The following SHISA6 variants were observed in gnomAD, a reference collection of about 807,000 sequenced individuals.
SHISA6 encodes shisa family member 6, also known as protein shisa-6.
In SHISA6, 22 loss-of-function variants were observed where a neutral mutation model predicts 47.9. The observed-to-expected ratio is 0.46, with a 90% confidence interval of 0.33 to 0.66. The LOEUF (loss-of-function observed/expected upper bound fraction) is 0.66. Among genes scored for constraint, SHISA6 ranks in the 30% least tolerant of loss-of-function variants. The pLI is 0.02. For missense variants in SHISA6, 680 were observed against 764.6 expected (o/e 0.89, Z 1.30); for synonymous variants, 388 against 337.8 (o/e 1.15, Z -1.63).
chr17:11,520,694 C>T (rs925107773), intron 3 of SHISA6, among the ~76,000 whole-genome samples: 5 of 152,076 alleles, frequency 3.3e-5, no homozygotes, highest in African/African-American at 9.7e-5. Context: ...TTCCCTCTCT[C>T]GCTCCTCTAA....
chr17:11,255,048 G>A (rs1279813280), intron 1 of SHISA6, among the ~76,000 whole-genome samples: 1 of 152,214 alleles, frequency 6.6e-6, no homozygotes, highest in African/African-American at 2.4e-5. Context: ...TTGCTTTGTG[G>A]CAGGGATCCA....
intron 3 of SHISA6, among the ~76,000 whole-genome samples, chr17:11,414,044 CCTT>C (rs1405280941): frequency 6.6e-6 from 1 of 151,700 alleles, no homozygotes; most frequent in Non-Finnish European, 1.5e-5. Context: ...TCTCCTCTCT[CCTT>C]CTCCTCCAGT....
At chr17:11,537,980 A>C (rs1050311649) in intron 3 of SHISA6, among the ~76,000 whole-genome samples, 1 of 152,244 alleles carries the variant, frequency 6.6e-6, no homozygotes, top group Non-Finnish European at 1.5e-5. Context: ...TTCTCCAATT[A>C]TCAGAAGAGC....
At chr17:11,312,498 T>C (rs1276080026) in intron 2 of SHISA6, among the ~76,000 whole-genome samples, 1 of 152,222 alleles carries the variant, frequency 6.6e-6, no homozygotes, top group Admixed American at 6.5e-5. Context: ...CATCTATAAA[T>C]GAATAGGCTA....
chr17:11,538,114 G>A lies in SHISA6; in HGVS notation c.896-13782G>A, dbSNP rs573747421. ...CTGGCTCTGTCACCAAGGCTGGAGT[G>A]GTGCAGTGGCATGATCTCGGCTCAC... On this transcript the variant is annotated intron_variant, in intron 3 of 5. Transcript: ENST00000441885. 2.6e-5 allele frequency among the ~76,000 whole-genome samples: 4 copies of A among 152,232 alleles called. No homozygotes were observed. The East Asian group carries it at 7.7e-4, about 29-fold the overall frequency.
intron 3 of SHISA6, among the ~76,000 whole-genome samples, chr17:11,497,040 G>T (rs1016045591): frequency 6.6e-6 from 1 of 152,202 alleles, no homozygotes; most frequent in African/African-American, 2.4e-5. Flanking sequence ...CATAAGTTTG[G>T]ACACTGAGCT....
chr17:11,371,450 A>C (rs991101068), intron 2 of SHISA6, among the ~76,000 whole-genome samples: 1 of 152,198 alleles, frequency 6.6e-6, no homozygotes, highest in African/African-American at 2.4e-5. Flanking sequence ...CCAGGGAGGT[A>C]CATGGGAAAG....
At chr17:11,376,239 ACT>A (rs1567588518) in intron 2 of SHISA6, among the ~76,000 whole-genome samples, 1 of 151,772 alleles carries the variant, frequency 6.6e-6, no homozygotes, top group East Asian at 1.9e-4. Flanking sequence ...CAACCCATTA[ACT>A]CTATGCATCA....
At chr17:11,369,405 A>T (rs1293878218) in intron 2 of SHISA6, among the ~76,000 whole-genome samples, 1 of 152,254 alleles carries the variant, frequency 6.6e-6, no homozygotes, top group Non-Finnish European at 1.5e-5. Flanking sequence ...AAAATTATCT[A>T]AGACGGTGGC....
intron 2 of SHISA6, among the ~76,000 whole-genome samples, chr17:11,317,491 A>AAT (rs34674733): frequency 0.15 from 22,893 of 151,760 alleles, 2,181 homozygotes; most frequent in East Asian, 0.36. Flanking sequence ...TTGTTTATAG[A>AAT]ATATATATAC....
chr17:11,308,582 A>G (rs1453709672), intron 2 of SHISA6, among the ~76,000 whole-genome samples: 4 of 152,212 alleles, frequency 2.6e-5, no homozygotes, highest in Non-Finnish European at 5.9e-5. Context: ...GTGATCGGCT[A>G]CGTTCGCTAA....
At chr17:11,243,811 C>G (rs1907470146) in intron 1 of SHISA6, among the ~76,000 whole-genome samples, 1 of 152,176 alleles carries the variant, frequency 6.6e-6, no homozygotes, top group Non-Finnish European at 1.5e-5. Context: ...TCTGCTCTGA[C>G]CACAGCCGCT....
intron 5 of SHISA6, among the ~76,000 whole-genome samples, chr17:11,556,909 G>A (rs544778448): frequency 1.3e-5 from 2 of 152,276 alleles, no homozygotes; most frequent in East Asian, 3.9e-4. Flanking sequence ...TAGGTTTGTA[G>A]CATGCAAGTC....
chr17:11,515,366 G>GGAAGGAAGGT (rs1567626495), intron 3 of SHISA6, among the ~76,000 whole-genome samples: 121 of 127,756 alleles, frequency 9.5e-4, no homozygotes, highest in African/African-American at 3.6e-3. Context: ...GGAAGGAAGG[G>GGAAGGAAGGT]AGAGAAAATG....
chr17:11,354,490 C>G (rs1012535725), intron 2 of SHISA6, among the ~76,000 whole-genome samples: 5 of 152,224 alleles, frequency 3.3e-5, no homozygotes, highest in Admixed American at 3.3e-4. Context: ...ACCCTCCGAC[C>G]TCATGTTCCA....
At chr17:11,269,053 T>TG (rs1327238015) in intron 2 of SHISA6, among the ~76,000 whole-genome samples, 93 of 151,344 alleles carry the variant, frequency 6.1e-4, no homozygotes, top group African/African-American at 2.2e-3. Flanking sequence ...TGTTTTGTTT[T>TG]TTTTTTTTAA....
chr17:11,465,791 A>G (rs567662252), intron 3 of SHISA6, among the ~76,000 whole-genome samples: 234 of 152,296 alleles, frequency 1.5e-3, no homozygotes, highest in African/African-American at 5.5e-3. Flanking sequence ...CTTGAGAAGG[A>G]CACATGGTTT....
chr17:11,450,914 A>G (rs1444833131), intron 3 of SHISA6, among the ~76,000 whole-genome samples: 2 of 150,916 alleles, frequency 1.3e-5, no homozygotes, highest in Admixed American at 1.3e-4. Flanking sequence ...GTCAGCCTTT[A>G]TTATTTTATG....
chr17:11,406,308 A>G (rs913139874), intron 3 of SHISA6, among the ~76,000 whole-genome samples: 3 of 152,186 alleles, frequency 2.0e-5, no homozygotes, highest in Admixed American at 2.0e-4. Flanking sequence ...AATTAATATC[A>G]TACTTCTCCA....
Sources: gnomAD v4.1 joint callset for allele counts (sites outside exome capture counted in the v4.1 genomes callset) on GRCh38, gnomAD v4.1.1 for gene constraint, MANE v1.5 for transcripts, NCBI Gene and HGNC (gene_info 2026-07-23, HGNC 2026-07-21) for gene names.